CCDC178: variants seen among roughly 807,000 people sequenced by gnomAD.
The protein encoded by CCDC178 is coiled-coil domain-containing protein 178.
CCDC178 carries 126 observed loss-of-function variants against 117.4 expected under a neutral mutation model. That is an observed-to-expected ratio of 1.07 (90% CI 0.93 to 1.24). The LOEUF is 1.24. Ranked by LOEUF, CCDC178 falls within the 50% of genes most tolerant of loss-of-function variation. CCDC178 has a pLI of 0.00. For missense variants in CCDC178, 1,030 were observed against 986.9 expected (o/e 1.04, Z -0.59); for synonymous variants, 283 against 313.4 (o/e 0.90, Z 1.02).
intron 20 of CCDC178, among the ~76,000 whole-genome samples, chr18:33,178,621 A>G (rs2058691654): frequency 6.6e-6 from 1 of 152,132 alleles, no homozygotes; most frequent in Non-Finnish European, 1.5e-5. Context: ...AAGGTCTCCC[A>G]CTACATGGCC....
intron 9 of CCDC178, among the ~76,000 whole-genome samples, chr18:33,335,998 T>A (rs1254894842): frequency 6.6e-6 from 1 of 152,176 alleles, no homozygotes; most frequent in African/African-American, 2.4e-5. Flanking sequence ...ATCCTGTCAG[T>A]TGCCTGACTT....
chr18:33,310,870 C>A (rs2062332294), intron 11 of CCDC178, among the ~76,000 whole-genome samples: 1 of 152,198 alleles, frequency 6.6e-6, no homozygotes, highest in African/African-American at 2.4e-5. Flanking sequence ...CCCTGCCTAC[C>A]AATCGCCCTT....
intron 11 of CCDC178, among the ~76,000 whole-genome samples, chr18:33,306,563 TTATA>T (rs1181174174): frequency 9.2e-6 from 1 of 108,124 alleles, no homozygotes; most frequent in Non-Finnish European, 2.0e-5. Flanking sequence ...ATATATATGG[TTATA>T]TATAATATAT....
chr18:33,265,151 T>C (rs963037526), intron 14 of CCDC178, among the ~76,000 whole-genome samples: 1 of 152,174 alleles, frequency 6.6e-6, no homozygotes, highest in South Asian at 2.1e-4. Context: ...GTTTTACAAA[T>C]TGTTCCATTT....
intron 21 of CCDC178, among the ~76,000 whole-genome samples, chr18:33,002,501 A>G (rs1334347375): frequency 1.3e-5 from 2 of 152,064 alleles, no homozygotes; most frequent in Non-Finnish European, 2.9e-5. Context: ...TAAAGGAAAT[A>G]CAACACACCA....
intron 3 of CCDC178, among the ~76,000 whole-genome samples, chr18:33,404,039 C>CA (rs2063746031): frequency 6.6e-6 from 1 of 152,104 alleles, no homozygotes; most frequent in South Asian, 2.1e-4. Flanking sequence ...ACTACCTTAA[C>CA]AGAGACTAAC....
chr18:33,380,764 A>T (rs764337946), intron 5 of CCDC178, among the ~76,000 whole-genome samples: 20 of 152,216 alleles, frequency 1.3e-4, no homozygotes, highest in African/African-American at 1.7e-4. Flanking sequence ...CAGAGAGTTG[A>T]TCTTTATGCA....
intron 4 of CCDC178, among the ~76,000 whole-genome samples, chr18:33,390,732 G>A (rs1457989329): frequency 6.6e-6 from 1 of 151,878 alleles, no homozygotes; most frequent in Non-Finnish European, 1.5e-5. Flanking sequence ...TGTCATGATA[G>A]TTACATTTAT....
intron 5 of CCDC178, among the ~76,000 whole-genome samples, chr18:33,375,207 T>C (rs1289597438): frequency 1.3e-5 from 2 of 152,344 alleles, no homozygotes; most frequent in African/African-American, 4.8e-5. Flanking sequence ...TAACTTTTTA[T>C]ACTAAAAAAC....
At chr18:32,938,211 AT>A in intron 22 of CCDC178, 120 bp from the exon 23 acceptor site, 1 of 686,590 alleles carries the variant, frequency 1.5e-6, no homozygotes, top group Non-Finnish European at 2.6e-6. Context: ...GACAAACACC[AT>A]TACATTCTCC....
intron 20 of CCDC178, among the ~76,000 whole-genome samples, chr18:33,094,592 G>A (rs1367720375): frequency 4.0e-5 from 6 of 151,666 alleles, no homozygotes; most frequent in African/African-American, 1.5e-4. Context: ...AATTTGAGAG[G>A]AGTGATACAG....
chr18:33,139,436 G>T (rs1413982059), intron 20 of CCDC178, among the ~76,000 whole-genome samples: 1 of 152,134 alleles, frequency 6.6e-6, no homozygotes, highest in Non-Finnish European at 1.5e-5. Flanking sequence ...CTTGTTGAAT[G>T]GCTTTGACAA....
chr18:32,978,790 A>C (rs1243807426), intron 21 of CCDC178, among the ~76,000 whole-genome samples: 1 of 152,164 alleles, frequency 6.6e-6, no homozygotes, highest in African/African-American at 2.4e-5. Flanking sequence ...TAATCCCAGC[A>C]CTTAGGGAGG....
chr18:33,347,669 G>T (rs1379924286), intron 8 of CCDC178, among the ~76,000 whole-genome samples: 1 of 152,014 alleles, frequency 6.6e-6, no homozygotes, highest in African/African-American at 2.4e-5. Context: ...CAAGATTTCA[G>T]TCTGGAATAT....
intron 21 of CCDC178, among the ~76,000 whole-genome samples, chr18:33,082,487 A>G (rs1476501993): frequency 1.3e-5 from 2 of 152,132 alleles, no homozygotes; most frequent in African/African-American, 4.8e-5. Context: ...AAGAATATGA[A>G]TACTTAGAGC....
chr18:33,135,127 G>A (rs1024061551), intron 20 of CCDC178, among the ~76,000 whole-genome samples: 3 of 152,050 alleles, frequency 2.0e-5, no homozygotes, highest in African/African-American at 7.2e-5. Context: ...AATATAAATT[G>A]AAGTTAAGAT....
At chr18:33,410,370 T>C (rs937209441) in intron 3 of CCDC178, among the ~76,000 whole-genome samples, 5 of 152,170 alleles carry the variant, frequency 3.3e-5, no homozygotes, top group Admixed American at 6.6e-5. Context: ...TAATCTGAGA[T>C]TGGGATCAAT....
chr18:33,394,530 A>T (rs544641760), intron 4 of CCDC178, among the ~76,000 whole-genome samples: 1 of 152,110 alleles, frequency 6.6e-6, no homozygotes, highest in South Asian at 2.1e-4. Context: ...TTCTACACTC[A>T]AATAACATAT....
intron 21 of CCDC178, among the ~76,000 whole-genome samples, chr18:33,053,121 A>G (rs2144933168): frequency 6.6e-6 from 1 of 152,324 alleles, no homozygotes; most frequent in East Asian, 1.9e-4. Context: ...GAGCAATGTG[A>G]CCAAAGCAGG....
Sources: gnomAD v4.1 joint callset for allele counts (sites outside exome capture counted in the v4.1 genomes callset) on GRCh38, gnomAD v4.1.1 for gene constraint, MANE v1.5 for transcripts, NCBI Gene and HGNC (gene_info 2026-07-23, HGNC 2026-07-21) for gene names.